RBM47: variants seen among roughly 807,000 people sequenced by gnomAD.
The protein encoded by RBM47 is RNA-binding protein 47.
Under a neutral mutation model 47.1 loss-of-function variants are expected in RBM47, and 21 were observed. The ratio of observed to expected loss-of-function variants is 0.45; its 90% CI spans 0.32 to 0.64. The LOEUF (loss-of-function observed/expected upper bound fraction) is 0.64. Ranked by LOEUF, RBM47 falls within the 30% of genes least tolerant of loss-of-function variation. The pLI is 0.05. For synonymous variants in RBM47, 375 were observed against 361.7 expected (o/e 1.04, Z -0.42); for missense variants, 708 against 870.9 (o/e 0.81, Z 2.35).
intron 1 of RBM47, among the ~76,000 whole-genome samples, chr4:40,603,631 C>G (rs542486591): frequency 6.6e-5 from 10 of 151,456 alleles, no homozygotes; most frequent in Non-Finnish European, 1.3e-4. Flanking sequence ...GAGATAGGGT[C>G]TCATCCTGTC....
rs181352115 is a variant in RBM47, at chr4:40,528,875, G to A, written c.-155+15547C>T. Among the ~76,000 whole-genome samples, 685 of 151,798 alleles carry A rather than the reference G, an allele frequency of 4.5e-3. 5 individuals carry two copies. Among genetic ancestry groups the A allele is most frequent in the African/African-American group, 0.015 (620 of 41,446 alleles). ...GGAGAATGGCGTGAACCCGGGAGGC[G>A]GAGCTTGCAGTGAGCCGAGATCCCG... On this transcript the variant is annotated intron_variant, in intron 2 of 6. Transcript: ENST00000295971.
intron 3 of RBM47, among the ~76,000 whole-genome samples, chr4:40,456,101 T>C (rs184122989): frequency 5.3e-5 from 8 of 152,232 alleles, no homozygotes; most frequent in Non-Finnish European, 1.2e-4. Flanking sequence ...TCTTTTATAT[T>C]TTCTAATTAT....
At chr4:40,556,354 T>C (rs765120938) in intron 1 of RBM47, among the ~76,000 whole-genome samples, 7 of 151,736 alleles carry the variant, frequency 4.6e-5, no homozygotes, top group Non-Finnish European at 1.0e-4. Context: ...CTTTTTAAGA[T>C]TACACTATGA....
rs1350145359 is a variant in RBM47 at position 40,438,033 on chromosome 4, G to A, written c.861C>T (p.His287=). 6.2e-7 allele frequency: 1 copy of A among 1,613,588 alleles called. No homozygotes were observed. Among genetic ancestry groups the A allele is most frequent in the Non-Finnish European group, 8.5e-7 (1 of 1,180,040 alleles). Residue 287 remains histidine, a synonymous_variant, in exon 4 of 7, where the codon CAC becomes CAT. Transcript: ENST00000295971. ...VKKIRDYAFV[H]FTSREDAVHA... is the part of the protein sequence containing the mutation. ...GCACGGCATCCTCGCGGCTGGTGAA[G>A]TGCACGAAGGCGTAGTCGCGGATCT...
At chr4:40,431,510 T>C (rs1233240371) in intron 6 of RBM47, among the ~76,000 whole-genome samples, 3 of 151,966 alleles carry the variant, frequency 2.0e-5, no homozygotes, top group Non-Finnish European at 4.4e-5. Flanking sequence ...TACAAAAAAT[T>C]AGCCGGGCAT....
At position 40,616,303 on chromosome 4, in the gene RBM47, G is replaced by A. The variant is rs1202033696; in HGVS notation, c.-240+13093C>T. ...CGGGAGGCGGAGCTTGCAGTGAGCC[G>A]AGATCGCGCCACTGCACTCCAGCCT... On this transcript the variant is annotated intron_variant, in intron 1 of 6. Transcript: ENST00000295971. 3.4e-5 allele frequency among the ~76,000 whole-genome samples: 5 copies of A among 147,592 alleles called. No individual in the cohort carries two copies. The South Asian group carries it at 8.6e-4, about 25-fold the overall frequency.
chr4:40,622,067 TTCATTTA>T (rs1737318834), intron 1 of RBM47, among the ~76,000 whole-genome samples: 1 of 152,246 alleles, frequency 6.6e-6, no homozygotes, highest in Admixed American at 6.5e-5. Flanking sequence ...GTGTGTCTTA[TTCATTTA>T]TTCAACAAGT....
intron 2 of RBM47, among the ~76,000 whole-genome samples, chr4:40,483,468 A>G (rs1720688689): frequency 6.6e-6 from 1 of 152,250 alleles, no homozygotes; most frequent in Non-Finnish European, 1.5e-5. Flanking sequence ...GAGGACTTCA[A>G]GTTCTCCTTG....
chr4:40,474,319 G>A (rs1376688121), intron 2 of RBM47, among the ~76,000 whole-genome samples: 2 of 152,086 alleles, frequency 1.3e-5, no homozygotes, highest in Non-Finnish European at 2.9e-5. Flanking sequence ...GTTCTCCATC[G>A]TGAATAGTTA....
chr4:40,552,577 C>T (rs903844988), intron 1 of RBM47, among the ~76,000 whole-genome samples: 14 of 152,170 alleles, frequency 9.2e-5, no homozygotes, highest in African/African-American at 3.1e-4. Context: ...AATCCACATT[C>T]TGATAGATCA....
intron 2 of RBM47, among the ~76,000 whole-genome samples, chr4:40,503,680 A>G (rs1364134646): frequency 6.6e-6 from 1 of 152,142 alleles, no homozygotes; most frequent in Non-Finnish European, 1.5e-5. Context: ...TTCTCATTAT[A>G]TAAGAAACTC....
intron 2 of RBM47, among the ~76,000 whole-genome samples, chr4:40,527,876 T>C (rs1397389293): frequency 1.3e-5 from 2 of 152,102 alleles, no homozygotes; most frequent in Admixed American, 6.6e-5. Context: ...TGTTTACCCT[T>C]GAGGAAACTG....
chr4:40,616,360 A>AG (rs1736725973), intron 1 of RBM47, among the ~76,000 whole-genome samples: 1 of 121,034 alleles, frequency 8.3e-6, no homozygotes, highest in African/African-American at 3.1e-5. Context: ...TCTCAAAAAA[A>AG]AAAAAAAGAA....
chr4:40,592,936 C>CATATATATATATATATATAT, intron 1 of RBM47, among the ~76,000 whole-genome samples: 1 of 39,722 alleles, frequency 2.5e-5, no homozygotes, highest in Non-Finnish European at 4.1e-5. Context: ...CAATTTGGGA[C>CATATATATATATATATATAT]ATATATATAT....
At chr4:40,503,247 C>T (rs1723638181) in intron 2 of RBM47, among the ~76,000 whole-genome samples, 1 of 152,128 alleles carries the variant, frequency 6.6e-6, no homozygotes, top group East Asian at 1.9e-4. Context: ...ACAAGGTGGC[C>T]TCAAGGTGGA....
In RBM47 at chr4:40,500,901, A is replaced by G. The variant is rs192094745; in HGVS notation, c.-154-34202T>C. Among the ~76,000 whole-genome samples, 29 of 152,288 alleles carry G rather than the reference A, an allele frequency of 1.9e-4. 1 individual carries two copies. Among genetic ancestry groups the G allele is most frequent in the African/African-American group, 7.0e-4 (29 of 41,574 alleles). ...AGAAAACACTGACCATGGTCGTGAC[A>G]TTCTTTGGTTTTCTATCACGTCTCT... On this transcript the variant is annotated intron_variant, in intron 2 of 6. Coordinates refer to ENST00000295971, the MANE Select transcript of RBM47 (RefSeq NM_001098634.2).
chr4:40,490,247 T>C (rs1474605444), intron 2 of RBM47, among the ~76,000 whole-genome samples: 4 of 151,118 alleles, frequency 2.6e-5, no homozygotes, highest in African/African-American at 7.3e-5. Flanking sequence ...AACTTCTATA[T>C]GCAACATTGT....
intron 1 of RBM47, among the ~76,000 whole-genome samples, chr4:40,551,614 AGAGG>A (rs1281233808): frequency 6.6e-6 from 1 of 151,864 alleles, no homozygotes; most frequent in Non-Finnish European, 1.5e-5. Context: ...TACACAAGGA[AGAGG>A]GAGGGAGGGA....
At chr4:40,440,302 G>A (rs796741556) in intron 3 of RBM47, among the ~76,000 whole-genome samples, 23 of 152,290 alleles carry the variant, frequency 1.5e-4, no homozygotes, top group African/African-American at 4.8e-4. Context: ...GGAGGTGGGA[G>A]GGGGAAGCCT....
Sources: gnomAD v4.1 joint callset for allele counts (sites outside exome capture counted in the v4.1 genomes callset) on GRCh38, gnomAD v4.1.1 for gene constraint, MANE v1.5 for transcripts, NCBI Gene and HGNC (gene_info 2026-07-23, HGNC 2026-07-21) for gene names.